The following WIPF1 variants were observed in gnomAD, a reference collection of about 807,000 sequenced individuals.
WIPF1 encodes WAS/WASL-interacting protein family member 1.
WIPF1 carries 13 observed loss-of-function variants against 35.4 expected under a neutral mutation model. The ratio of observed to expected loss-of-function variants is 0.37; its 90% CI spans 0.24 to 0.58. WIPF1 has a LOEUF of 0.58. Ranked by LOEUF, WIPF1 falls within the 20% of genes least tolerant of loss-of-function variation. The probability of loss-of-function intolerance (pLI) is 0.74; values close to 1 mark genes in which losing one functional copy is unlikely to be tolerated. For missense variants in WIPF1, 591 were observed against 667.0 expected, an observed-to-expected ratio of 0.89 and a Z score of 1.25; for synonymous variants, 267 against 266.3, an observed-to-expected ratio of 1.00 and a Z score of -0.02.
intron 1 of WIPF1, among the ~76,000 whole-genome samples, chr2:174,595,567 G>A (rs1685795983): frequency 6.6e-6 from 1 of 152,098 alleles, no homozygotes; most frequent in South Asian, 2.1e-4. Context: ...CAAAGGTGAA[G>A]AACGTAACAC....
intron 1 of WIPF1, among the ~76,000 whole-genome samples, chr2:174,589,419 G>T (rs1466428722): frequency 1.3e-5 from 2 of 152,160 alleles, no homozygotes; most frequent in East Asian, 1.9e-4. Context: ...TTTCCTGGCA[G>T]CCTCCAACTT....
intron 1 of WIPF1, among the ~76,000 whole-genome samples, chr2:174,672,739 C>G (rs944344673): frequency 1.3e-5 from 2 of 152,224 alleles, no homozygotes; most frequent in African/African-American, 4.8e-5. Flanking sequence ...ACCATCTTCT[C>G]CCTGTTCCTG....
chr2:174,670,820 G>A lies in WIPF1; in HGVS notation c.-39+11954C>T, dbSNP rs963175945. On this transcript the variant is annotated intron_variant, in intron 1 of 8. Coordinates refer to the WIPF1 transcript ENST00000272746. ...GTATTTGTATCCACTCTCAGCAATC[G>A]CTGCCATCATAGTGAATGCCCTCCA... Among the ~76,000 whole-genome samples the A allele has an allele frequency of 8.5e-5, 13 of 152,202 alleles. No homozygotes were observed. The East Asian group carries it at 1.7e-3, about 20-fold the overall frequency.
chr2:174,608,300 CCT>C (rs1263682435), intron 1 of WIPF1, among the ~76,000 whole-genome samples: 2 of 152,138 alleles, frequency 1.3e-5, no homozygotes, highest in African/African-American at 2.4e-5. Flanking sequence ...ATTCTATGCC[CCT>C]GTGTGCCTGA....
chr2:174,574,810 C>A, intron 4 of WIPF1: 1 of 698,570 alleles, frequency 1.4e-6, no homozygotes, highest in Admixed American at 2.3e-5. Context: ...TGAAAAGCGG[C>A]TCACAAGTAT....
intron 1 of WIPF1, among the ~76,000 whole-genome samples, chr2:174,667,294 G>C (rs541531052): frequency 6.6e-6 from 1 of 152,258 alleles, no homozygotes; most frequent in Non-Finnish European, 1.5e-5. Flanking sequence ...TTCCCCTCAA[G>C]TTTCTTTGGC....
At chr2:174,568,108 A>G in intron 5 of WIPF1, 35 bp from the exon 6 acceptor site, 1 of 1,591,020 alleles carries the variant, frequency 6.3e-7, no homozygotes, top group Non-Finnish European at 8.5e-7. Context: ...GCAGAACCTT[A>G]CATCCACATT....
At chr2:174,618,647 G>A (rs539458984) in intron 1 of WIPF1, among the ~76,000 whole-genome samples, 3 of 152,198 alleles carry the variant, frequency 2.0e-5, no homozygotes, top group African/African-American at 7.2e-5. Flanking sequence ...TCACAACCCT[G>A]TAAGATACAT....
At position 174,620,060 on chromosome 2, in the gene WIPF1, A is replaced by G. The variant is rs559975179; in HGVS notation, c.-38-34449T>C. ...TTGAATGGGTCAGAATAATGCATAC[A>G]TTTAAACTCTATGCTCCTTAATAAA... On this transcript the variant is annotated intron_variant, in intron 1 of 8. Transcript: ENST00000272746. Among the ~76,000 whole-genome samples the G allele has an allele frequency of 3.3e-5, 5 of 152,358 alleles. No individual in the cohort carries two copies. In the East Asian group the frequency reaches 9.6e-4, roughly 29 times the overall value.
intron 1 of WIPF1, chr2:174,625,857 C>T (rs1256653177): frequency 6.6e-6 from 1 of 152,170 alleles, no homozygotes; most frequent in African/African-American, 2.4e-5. Flanking sequence ...CAGGGTTCTC[C>T]TTCCTGAATG....
At chr2:174,569,709 C>T (rs1684772254) in intron 5 of WIPF1, among the ~76,000 whole-genome samples, 1 of 152,148 alleles carries the variant, frequency 6.6e-6, no homozygotes, top group South Asian at 2.1e-4. Flanking sequence ...ACATGCTTGT[C>T]TCATTTAATT....
At position 174,655,207 on chromosome 2, in the gene WIPF1, T is replaced by C. The variant is rs1279741331; in HGVS notation, c.-39+27567A>G. ...CAACACTTGCAGATCTACTCCTTAG[T>C]ATCTCTGGAATCCATCCCCTGAGAT... On this transcript the variant is annotated intron_variant, in intron 1 of 8. Transcript: ENST00000272746. 3.3e-5 allele frequency among the ~76,000 whole-genome samples: 5 copies of C among 152,166 alleles called. No individual in the cohort carries two copies. In the East Asian group the frequency reaches 9.6e-4, roughly 29 times the overall value.
At chr2:174,634,159 C>A (rs2105937612) in intron 1 of WIPF1, among the ~76,000 whole-genome samples, 1 of 152,306 alleles carries the variant, frequency 6.6e-6, no homozygotes, top group South Asian at 2.1e-4. Flanking sequence ...CCACAGATGT[C>A]TGCAAACACA....
chr2:174,564,683 A>C (rs569292814), intron 7 of WIPF1, among the ~76,000 whole-genome samples: 3 of 152,152 alleles, frequency 2.0e-5, no homozygotes, highest in Non-Finnish European at 4.4e-5. Context: ...AATATTTAGA[A>C]TAAGAAGCAA....
At chr2:174,658,195 G>C (rs942525976) in intron 1 of WIPF1, among the ~76,000 whole-genome samples, 2 of 152,018 alleles carry the variant, frequency 1.3e-5, no homozygotes, top group East Asian at 3.9e-4. Context: ...TAGGAGCAGC[G>C]GGTTTCTGCA....
rs1684496254 is a variant in WIPF1 at position 174,561,982 on chromosome 2, G to A, written c.*565C>T. 2 of 1,360,118 alleles carry A rather than the reference G, an allele frequency of 1.5e-6. No homozygotes were observed. The highest frequency in any genetic ancestry group is 2.3e-5 in the Admixed American group (1 of 43,462). 84.3% of individuals were successfully genotyped at this position (1,360,118 alleles called of 1,614,324 possible). Reference sequence around the variant, plus strand: ...AACTTCACTTGTTTAAAATATATTAGAAATGTAAAAATTGTATATGGGGCT... The same window carrying A: ...AACTTCACTTGTTTAAAATATATTAAAAATGTAAAAATTGTATATGGGGCT... On this transcript the variant is annotated 3_prime_UTR_variant, in exon 8 of 8. Transcript: ENST00000679041.
intron 1 of WIPF1, among the ~76,000 whole-genome samples, chr2:174,611,207 A>G (rs959647884): frequency 6.6e-6 from 1 of 152,178 alleles, no homozygotes; most frequent in African/African-American, 2.4e-5. Flanking sequence ...TATGCTGTGC[A>G]GGTGTTCATT....
chr2:174,595,736 A>G (rs1248920056), intron 1 of WIPF1, among the ~76,000 whole-genome samples: 1 of 152,182 alleles, frequency 6.6e-6, no homozygotes, highest in Non-Finnish European at 1.5e-5. Flanking sequence ...TGCATTTCAA[A>G]TTTCTCAGAA....
intron 1 of WIPF1, among the ~76,000 whole-genome samples, chr2:174,632,200 A>ATTCTGTGT (rs1299548172): frequency 1.6e-4 from 24 of 152,200 alleles, no homozygotes; most frequent in Non-Finnish European, 2.6e-4. Context: ...AGGATCTGTT[A>ATTCTGTGT]CCTTCTGCCA....
Sources: gnomAD v4.1 joint callset for allele counts (sites outside exome capture counted in the v4.1 genomes callset) on GRCh38, gnomAD v4.1.1 for gene constraint, MANE v1.5 for transcripts, NCBI Gene and HGNC (gene_info 2026-07-23, HGNC 2026-07-21) for gene names.